Variants in SUMF1 observed in about 807,000 individuals in gnomAD.
SUMF1 encodes the protein sulfatase modifying factor 1, also known as formylglycine-generating enzyme.
SUMF1 carries 48 observed loss-of-function variants against 47.6 expected under a neutral mutation model. That is an observed-to-expected ratio of 1.01 (90% CI 0.80 to 1.28). The LOEUF (loss-of-function observed/expected upper bound fraction) is 1.28. SUMF1 is among the 50% of genes most tolerant of loss of function. SUMF1 has a pLI of 0.00. For synonymous variants in SUMF1, 230 were observed against 192.1 expected, an observed-to-expected ratio of 1.20 and a Z score of -1.63; for missense variants, 571 against 485.4, an observed-to-expected ratio of 1.18 and a Z score of -1.66.
intron 8 of SUMF1, among the ~76,000 whole-genome samples, chr3:4,178,189 G>T (rs9829639): frequency 0.75 from 114,584 of 152,092 alleles, 43,957 homozygotes; most frequent in African/African-American, 0.91. Context: ...TAACTCATTT[G>T]ATGAGGCCAG....
intron 8 of SUMF1, among the ~76,000 whole-genome samples, chr3:4,194,326 A>G (rs901604466): frequency 2.6e-5 from 4 of 152,128 alleles, no homozygotes; most frequent in African/African-American, 9.7e-5. Context: ...CTTATAACCA[A>G]GCTTCTGGCA....
Position 4,128,967 on chromosome 3 carries a change from C to A in SUMF1, c.1015-60222G>T, listed in dbSNP as rs555799120. Among the ~76,000 whole-genome samples the A allele has an allele frequency of 2.6e-5, 4 of 152,186 alleles. No homozygotes were observed. In the South Asian group the frequency reaches 8.3e-4, roughly 32 times the overall value. On this transcript the variant is annotated intron_variant and NMD_transcript_variant, in intron 8 of 12. Transcript: ENST00000448413. ...ACCTACTGTGAGTGAATTGGGAATG[C>A]CTGATCTCCCTTGGTTTAATGTAAA... is the stretch of plus-strand genomic sequence containing the variant.
intron 8 of SUMF1, among the ~76,000 whole-genome samples, chr3:4,193,197 A>T (rs1457900734): frequency 6.6e-6 from 1 of 152,156 alleles, no homozygotes; most frequent in East Asian, 1.9e-4. Context: ...TGGGTATTAT[A>T]CATGAAGAAC....
downstream of SUMF1, among the ~76,000 whole-genome samples, chr3:4,357,161 TTGGA>T (rs1699637258): frequency 6.6e-6 from 1 of 152,132 alleles, no homozygotes; most frequent in South Asian, 2.1e-4. Context: ...TTAATATTTG[TTGGA>T]AGGAAGGAGG....
chr3:4,215,470 T>C (rs1695901625), intron 8 of SUMF1, among the ~76,000 whole-genome samples: 1 of 152,162 alleles, frequency 6.6e-6, no homozygotes, highest in South Asian at 2.1e-4. Flanking sequence ...AAGCATTCCT[T>C]TTGAAAACCA....
intron 8 of SUMF1, among the ~76,000 whole-genome samples, chr3:4,240,912 T>C (rs921670275): frequency 6.6e-6 from 1 of 151,996 alleles, no homozygotes; most frequent in Non-Finnish European, 1.5e-5. Context: ...TAAAGACCTT[T>C]ATAAAGACTT....
chr3:4,280,609 AC>A (rs1295161429), intron 8 of SUMF1, among the ~76,000 whole-genome samples: 2 of 152,216 alleles, frequency 1.3e-5, no homozygotes, highest in African/African-American at 4.8e-5. Context: ...GGCTGTCCTA[AC>A]AACACGCCAC....
chr3:4,168,032 T>A (rs1048809237), intron 8 of SUMF1, among the ~76,000 whole-genome samples: 5 of 152,170 alleles, frequency 3.3e-5, no homozygotes, highest in African/African-American at 1.2e-4. Context: ...ATTGTGCTCA[T>A]AAAAGTTTAA....
chr3:4,309,159 TATC>T lies in SUMF1; in HGVS notation c.1014+67168_1014+67170del, dbSNP rs550998004. On this transcript the variant is annotated intron_variant and NMD_transcript_variant, in intron 8 of 12. Coordinates refer to the SUMF1 transcript ENST00000448413. ...AGGGTTGTGGAGACCAGGGGTTTATTATCATGCAGGTGAAGCCTCCAGGTAGCA... is the reference window on the plus strand; with the variant it reads ...AGGGTTGTGGAGACCAGGGGTTTATTATGCAGGTGAAGCCTCCAGGTAGCA... Among the ~76,000 whole-genome samples the T allele has an allele frequency of 2.8e-4, 42 of 152,312 alleles. 1 individual carries two copies. In the South Asian group the frequency reaches 3.7e-3, roughly 14 times the overall value.
intron 8 of SUMF1, among the ~76,000 whole-genome samples, chr3:4,351,875 C>A (rs1699509377): frequency 6.6e-6 from 1 of 152,176 alleles, no homozygotes; most frequent in Non-Finnish European, 1.5e-5. Context: ...ACTGCTTTAA[C>A]CCTCCTGCCT....
At chr3:4,244,582 C>A (rs1696618069) in intron 8 of SUMF1, among the ~76,000 whole-genome samples, 1 of 152,162 alleles carries the variant, frequency 6.6e-6, no homozygotes, top group Admixed American at 6.5e-5. Context: ...TGAATACTGG[C>A]CCCCACTCTC....
chr3:4,253,709 T>G (rs1336400530), intron 8 of SUMF1, among the ~76,000 whole-genome samples: 9 of 149,726 alleles, frequency 6.0e-5, no homozygotes, highest in Non-Finnish European at 1.3e-4. Flanking sequence ...TTGGCCAGGC[T>G]TGATTAGGTA....
chr3:4,338,951 C>T (rs547334196), intron 8 of SUMF1, among the ~76,000 whole-genome samples: 23 of 152,206 alleles, frequency 1.5e-4, no homozygotes, highest in Admixed American at 6.5e-4. Context: ...CTCACCAGAG[C>T]CTCGCCAGTG....
rs549745431 is a variant in SUMF1, at chr3:4,381,267, C to G, written c.955-4878G>C. ...AAACCAAACATCATATGTTCTCACT[C>G]ATAAGTGGGAGCTAAGCTACGAGGA... On this transcript the variant is annotated intron_variant, in intron 7 of 8. Transcript: ENST00000272902. Among the ~76,000 whole-genome samples the G allele has an allele frequency of 3.5e-3, 536 of 152,232 alleles. 4 individuals carry two copies. The highest frequency in any genetic ancestry group is 0.01 in the Middle Eastern group (3 of 294).
intron 8 of SUMF1, among the ~76,000 whole-genome samples, chr3:4,324,395 G>A (rs1698899358): frequency 6.6e-6 from 1 of 152,140 alleles, no homozygotes; most frequent in Non-Finnish European, 1.5e-5. Context: ...ATGTGCCAAG[G>A]AAAACCATAA....
At chr3:4,258,226 C>T (rs1396895818) in intron 8 of SUMF1, among the ~76,000 whole-genome samples, 4 of 149,210 alleles carry the variant, frequency 2.7e-5, no homozygotes, top group Non-Finnish European at 5.9e-5. Context: ...TCCAAAACAC[C>T]AAAAGCAATG....
At chr3:4,267,338 G>A (rs994585842) in intron 8 of SUMF1, among the ~76,000 whole-genome samples, 1 of 152,172 alleles carries the variant, frequency 6.6e-6, no homozygotes, top group Admixed American at 6.6e-5. Flanking sequence ...GAATTCGGCT[G>A]TGAATCCATC....
intron 3 of SUMF1, 114 bp downstream of exon 3, chr3:4,449,152 G>A (rs1702881545): frequency 8.8e-7 from 1 of 1,139,892 alleles, no homozygotes; most frequent in Non-Finnish European, 1.3e-6. Flanking sequence ...CTCAGCAGGA[G>A]AATGGTTAGG....
intron 8 of SUMF1, among the ~76,000 whole-genome samples, chr3:4,237,489 A>G (rs904148291): frequency 6.6e-6 from 1 of 151,876 alleles, no homozygotes; most frequent in Non-Finnish European, 1.5e-5. Context: ...TCATTTTCTT[A>G]TTCCTGAGTT....
Sources: allele counts gnomAD v4.1 joint callset (sites outside exome capture counted in the v4.1 genomes callset), GRCh38; gene constraint gnomAD v4.1.1; transcripts MANE v1.5; gene names NCBI Gene and HGNC (gene_info 2026-07-23, HGNC 2026-07-21).